The following NHSL2 variants were observed in gnomAD, a reference collection of about 807,000 sequenced individuals.
NHSL2 encodes NHS like 2, also known as NHS-like protein 2.
A neutral mutation model predicts 53.4 loss-of-function variants in NHSL2; 27 were observed. The observed-to-expected ratio is 0.51, with a 90% CI of 0.37 to 0.70. The LOEUF is 0.70. Ranked by LOEUF, NHSL2 falls within the 30% of genes least tolerant of loss-of-function variation. The probability of loss-of-function intolerance (pLI) is 0.00; values close to 1 mark genes in which losing one functional copy is unlikely to be tolerated. For synonymous variants in NHSL2, 408 were observed against 404.1 expected, an observed-to-expected ratio of 1.01 and a Z score of -0.12; for missense variants, 892 against 980.1, an observed-to-expected ratio of 0.91 and a Z score of 1.20.
chrX:71,921,637 T>C (rs1446068700), intron 1 of NHSL2, among the ~76,000 whole-genome samples: 1 of 111,967 alleles, frequency 8.9e-6, no homozygotes, highest in Non-Finnish European at 1.9e-5. Flanking sequence ...TCACCCATGA[T>C]GTTACTGGGT....
intron 1 of NHSL2, among the ~76,000 whole-genome samples, chrX:71,948,305 T>C (rs2041802643): frequency 9.0e-6 from 1 of 111,387 alleles, no homozygotes; most frequent in Non-Finnish European, 1.9e-5. Context: ...TTCATTTTTC[T>C]GAGCCTCAGT....
intron 1 of NHSL2, among the ~76,000 whole-genome samples, chrX:72,049,011 A>AAGAGGAAGAGGT (rs2042323168): frequency 1.1e-5 from 1 of 89,468 alleles, no homozygotes; most frequent in Non-Finnish European, 2.1e-5. Flanking sequence ...GAAGAAGAAG[A>AAGAGGAAGAGGT]AGAGGAAGAG....
chrX:72,091,716 C>A (rs1051694350), intron 1 of NHSL2, among the ~76,000 whole-genome samples: 1 of 111,173 alleles, frequency 9.0e-6, no homozygotes, highest in Non-Finnish European at 1.9e-5. Flanking sequence ...AATAGCCCAG[C>A]GGTGGATGTA....
intron 1 of NHSL2, among the ~76,000 whole-genome samples, chrX:71,913,854 G>A (rs1222251213): frequency 3.6e-5 from 4 of 112,398 alleles, no homozygotes; most frequent in Non-Finnish European, 5.6e-5. Flanking sequence ...GAGGAGGAGC[G>A]AGATAGAGGA....
At position 72,134,132 on chromosome X, in the gene NHSL2, C is replaced by A. The variant is rs2042333914; in HGVS notation, c.478C>A (p.Gln160Lys). Residue 160 changes from glutamine to lysine, a missense_variant, in exon 3 of 8, where the codon CAG (glutamine) becomes AAG (lysine). By Grantham distance (53) the Gln-to-Lys change is moderately conservative. Coordinates refer to ENST00000633930, the MANE Select transcript of NHSL2 (RefSeq NM_001013627.3). Reference sequence around the variant, plus strand: ...GTACTCGGAGGCCAGACTTGTGGGGCAGACCTTCCGCTCTTCTGATGAGGC... The same window carrying A: ...GTACTCGGAGGCCAGACTTGTGGGGAAGACCTTCCGCTCTTCTGATGAGGC... ...EQYSEARLVGQTFRSSDEATK... is the reference protein window; with the variant it reads ...EQYSEARLVGKTFRSSDEATK... The A allele has an allele frequency of 8.6e-7, 1 of 1,164,804 alleles. No individual in the cohort carries two copies. The highest frequency in any genetic ancestry group is 1.1e-6 in the Non-Finnish European group (1 of 870,899).
intron 1 of NHSL2, chrX:72,131,785 G>C (rs769542049): frequency 2.2e-3 from 541 of 241,935 alleles, no homozygotes; most frequent in Non-Finnish European, 3.2e-3. Context: ...GGCGGGCGGA[G>C]GCACGGGGCC....
At chrX:71,914,613 G>T (rs181134375) in intron 1 of NHSL2, among the ~76,000 whole-genome samples, 2 of 112,200 alleles carry the variant, frequency 1.8e-5, no homozygotes, top group South Asian at 7.4e-4. Context: ...TCATCTTTAT[G>T]TAAAATTCCT....
Position 72,131,173 on chromosome X carries a change from A to G in NHSL2, c.281-906A>G, listed in dbSNP as rs776036698. 26 of 1,170,618 alleles carry G rather than the reference A, an allele frequency of 2.2e-5. No homozygotes were observed. In the African/African-American group the frequency reaches 4.4e-4, roughly 20 times the overall value. ...CAGCGCCGGCGGGGGCGGGATGGGC[A>G]GCAGAGGGGGGTCAGCGGGCCCGTC... is the stretch of plus-strand genomic sequence containing the variant. On this transcript the variant is annotated intron_variant, in intron 1 of 7. Coordinates refer to ENST00000633930, the MANE Select transcript of NHSL2 (RefSeq NM_001013627.3).
intron 1 of NHSL2, among the ~76,000 whole-genome samples, chrX:72,103,635 A>T (rs1163686917): frequency 1.8e-5 from 2 of 112,217 alleles, no homozygotes; most frequent in Non-Finnish European, 3.8e-5. Flanking sequence ...CTTCAACTAG[A>T]TGCTCTACAA....
chrX:72,086,026 T>C (rs1424893163), intron 1 of NHSL2, among the ~76,000 whole-genome samples: 1 of 111,896 alleles, frequency 8.9e-6, no homozygotes, highest in Non-Finnish European at 1.9e-5. Context: ...GGCCTCCTTG[T>C]GGTCTGCCTG....
At chrX:72,141,035 A>G (rs766979012) in intron 6 of NHSL2, 2 of 277,524 alleles carry the variant, frequency 7.2e-6, no homozygotes, top group Non-Finnish European at 1.3e-5. Context: ...GAGATAATGA[A>G]ATCAAACTAG....
At chrX:71,919,920 C>T (rs895188808) in intron 1 of NHSL2, among the ~76,000 whole-genome samples, 15 of 112,848 alleles carry the variant, frequency 1.3e-4, no homozygotes, top group African/African-American at 4.8e-4. Context: ...GTCTCACTGG[C>T]TCTCTGTTTT....
At chrX:72,109,428 A>G (rs755090412) in intron 1 of NHSL2, among the ~76,000 whole-genome samples, 9 of 111,180 alleles carry the variant, frequency 8.1e-5, no homozygotes, top group African/African-American at 2.9e-4. Context: ...GCCCCCCTAA[A>G]CACATTGCTC....
At chrX:72,070,106 A>G (rs2042458302) in intron 1 of NHSL2, among the ~76,000 whole-genome samples, 1 of 111,514 alleles carries the variant, frequency 9.0e-6, no homozygotes, top group African/African-American at 3.3e-5. Context: ...GGAACCATGC[A>G]TGGCTTATCC....
intron 1 of NHSL2, among the ~76,000 whole-genome samples, chrX:71,971,211 G>T (rs1311353427): frequency 9.0e-6 from 1 of 110,974 alleles, no homozygotes; most frequent in Non-Finnish European, 1.9e-5. Context: ...TAAGGTTTAT[G>T]ATATACACCT....
At chrX:71,915,746 C>A (rs1266939433) in intron 1 of NHSL2, among the ~76,000 whole-genome samples, 1 of 111,761 alleles carries the variant, frequency 8.9e-6, no homozygotes, top group Non-Finnish European at 1.9e-5. Flanking sequence ...AGAAGCCATG[C>A]CTTCTGACAA....
At chrX:72,011,487 C>T (rs774339785) in intron 1 of NHSL2, among the ~76,000 whole-genome samples, 9 of 111,765 alleles carry the variant, frequency 8.1e-5, no homozygotes, top group South Asian at 3.7e-4. Flanking sequence ...GTGGCCAACA[C>T]GGTGAAACCC....
At chrX:71,937,421 T>C (rs1200210536) in intron 1 of NHSL2, among the ~76,000 whole-genome samples, 1 of 111,846 alleles carries the variant, frequency 8.9e-6, no homozygotes, top group Non-Finnish European at 1.9e-5. Context: ...TGTCCTTGAA[T>C]GGACAGGTTT....
Position 72,143,559 on chromosome X carries a change from T to C in NHSL2, c.3663T>C (p.Asp1221=). ...TTTCAAAAGACTATGAAACCACCGATAACCCCAGTACCTAAGCCCTGGGCT... is the reference window on the plus strand; with the variant it reads ...TTTCAAAAGACTATGAAACCACCGACAACCCCAGTACCTAAGCCCTGGGCT... ...AQFSKDYETT[D]NPST is the part of the protein sequence containing the mutation. The change falls in exon 8 of 8, where the codon GAT becomes GAC. Residue 1221 remains aspartate (D), a synonymous_variant. Coordinates refer to ENST00000633930, the MANE Select transcript of NHSL2 (RefSeq NM_001013627.3). 3 of 1,143,831 alleles carry C rather than the reference T, an allele frequency of 2.6e-6. No homozygotes were observed. Among genetic ancestry groups the C allele is most frequent in the Non-Finnish European group, 3.5e-6 (3 of 856,326 alleles). 94.3% of individuals were successfully genotyped at this position (1,143,831 alleles called of 1,213,427 possible).
Sources: gnomAD v4.1 joint callset for allele counts (sites outside exome capture counted in the v4.1 genomes callset) on GRCh38, gnomAD v4.1.1 for gene constraint, MANE v1.5 for transcripts, NCBI Gene and HGNC (gene_info 2026-07-23, HGNC 2026-07-21) for gene names.